LARGE1: variants seen among roughly 807,000 people sequenced by gnomAD.
LARGE1 encodes the protein xylosyl- and glucuronyltransferase LARGE1.
A neutral mutation model predicts 87.6 loss-of-function variants in LARGE1; 43 were observed. The observed-to-expected ratio is 0.49, with a 90% CI of 0.38 to 0.63. The LOEUF is 0.63. LARGE1 is among the 30% of genes least tolerant of loss of function. The probability of loss-of-function intolerance (pLI) is 0.00; values close to 1 mark genes in which losing one functional copy is unlikely to be tolerated. For missense variants in LARGE1, 802 were observed against 1,000.2 expected (o/e 0.80, Z 2.67); for synonymous variants, 434 against 394.6 (o/e 1.10, Z -1.18).
chr22:33,261,775 C>CT (rs971138375), intron 11 of LARGE1, among the ~76,000 whole-genome samples: 4 of 152,148 alleles, frequency 2.6e-5, no homozygotes, highest in Admixed American at 6.5e-5. Flanking sequence ...AAATAATGCT[C>CT]TTTTTGCCTG....
chr22:33,367,320 G>T (rs77828529), intron 9 of LARGE1, among the ~76,000 whole-genome samples: 1,779 of 151,940 alleles, frequency 0.012, 22 homozygotes, highest in African/African-American at 0.035. Context: ...CTCGCCATAG[G>T]TTTGTCTATT....
intron 2 of LARGE1, among the ~76,000 whole-genome samples, chr22:33,720,669 T>G (rs537177161): frequency 9.4e-4 from 143 of 152,338 alleles, no homozygotes; most frequent in Non-Finnish European, 1.5e-3. Context: ...GAATGTGGCC[T>G]GTGGTTACAT....
chr22:33,559,431 C>G (rs968503149), intron 6 of LARGE1, among the ~76,000 whole-genome samples: 5 of 152,230 alleles, frequency 3.3e-5, no homozygotes, highest in Admixed American at 3.3e-4. Flanking sequence ...ATCCACCCCC[C>G]TCGGCCTCCC....
At chr22:33,302,021 G>A (rs1467523135) in intron 12 of LARGE1, among the ~76,000 whole-genome samples, 4 of 152,244 alleles carry the variant, frequency 2.6e-5, no homozygotes, top group Admixed American at 1.3e-4. Context: ...TGGCTGGAGC[G>A]AAGAAGAGTC....
At chr22:33,412,908 G>A (rs565666193) in intron 7 of LARGE1, among the ~76,000 whole-genome samples, 7 of 152,152 alleles carry the variant, frequency 4.6e-5, no homozygotes, top group African/African-American at 1.4e-4. Flanking sequence ...TGATCTACCC[G>A]CCTTGGCCTC....
intron 1 of LARGE1, among the ~76,000 whole-genome samples, chr22:33,793,412 C>T (rs996684905): frequency 2.0e-5 from 3 of 152,276 alleles, no homozygotes; most frequent in East Asian, 1.9e-4. Context: ...GGGAGATAAT[C>T]GTCTGAAACA....
chr22:33,418,949 T>C (rs573835422), intron 7 of LARGE1, among the ~76,000 whole-genome samples: 7 of 152,128 alleles, frequency 4.6e-5, no homozygotes, highest in Non-Finnish European at 8.8e-5. Context: ...GCGAGGGCAC[T>C]TGGGGTCTGA....
intron 10 of LARGE1, among the ~76,000 whole-genome samples, chr22:33,330,673 C>A (rs967999418): frequency 6.6e-6 from 1 of 152,206 alleles, no homozygotes; most frequent in African/African-American, 2.4e-5. Context: ...CTATGAGAGA[C>A]AAGTGGCTGT....
chr22:33,391,765 C>CTTTT (rs1034572374), intron 7 of LARGE1, among the ~76,000 whole-genome samples: 12 of 63,850 alleles, frequency 1.9e-4, no homozygotes, highest in Admixed American at 3.4e-4. Context: ...TTCCTTTTTC[C>CTTTT]TTTTTTTTTT....
intron 2 of LARGE1, among the ~76,000 whole-genome samples, chr22:33,712,043 G>A (rs1054987290): frequency 2.0e-5 from 3 of 152,162 alleles, no homozygotes; most frequent in Admixed American, 1.3e-4. Flanking sequence ...TGCATATTGA[G>A]TGGTGTGCCA....
intron 4 of LARGE1, among the ~76,000 whole-genome samples, chr22:33,618,509 C>T (rs2079646577): frequency 6.6e-6 from 1 of 152,306 alleles, no homozygotes; most frequent in East Asian, 1.9e-4. Context: ...CTATAAAAAG[C>T]AGTTCCTTTT....
chr22:33,253,573 G>A (rs898424336), intron 11 of LARGE1, among the ~76,000 whole-genome samples: 15 of 152,202 alleles, frequency 9.9e-5, no homozygotes, highest in Non-Finnish European at 1.8e-4. Flanking sequence ...TTAGCTGGGT[G>A]TGGTGGCAGG....
chr22:33,739,755 G>A (rs1377086897), intron 2 of LARGE1, among the ~76,000 whole-genome samples: 1 of 152,208 alleles, frequency 6.6e-6, no homozygotes, highest in Non-Finnish European at 1.5e-5. Flanking sequence ...TCTTCCTTGG[G>A]CCTGATGAAG....
downstream of LARGE1, among the ~76,000 whole-genome samples, chr22:33,268,989 C>T (rs572084438): frequency 2.0e-5 from 3 of 152,138 alleles, no homozygotes; most frequent in South Asian, 4.2e-4. Flanking sequence ...TATGCATAGC[C>T]TTGTGTATGC....
intron 6 of LARGE1, among the ~76,000 whole-genome samples, chr22:33,537,464 T>A (rs763586682): frequency 2.6e-5 from 4 of 152,148 alleles, no homozygotes; most frequent in Admixed American, 6.5e-5. Flanking sequence ...CCAAGAACAC[T>A]CATTCTATTT....
intron 5 of LARGE1, among the ~76,000 whole-genome samples, chr22:33,589,066 T>C (rs2078760691): frequency 6.6e-6 from 1 of 152,206 alleles, no homozygotes; most frequent in Non-Finnish European, 1.5e-5. Flanking sequence ...AACACAACAT[T>C]ACACCTCCAG....
At chr22:33,836,271 C>T (rs2063106548) in intron 1 of LARGE1, among the ~76,000 whole-genome samples, 1 of 152,174 alleles carries the variant, frequency 6.6e-6, no homozygotes, top group South Asian at 2.1e-4. Flanking sequence ...AGCATGGTAG[C>T]TCCTATGTAA....
At chr22:33,192,942 G>A (rs1324855957) in intron 11 of LARGE1, among the ~76,000 whole-genome samples, 1 of 152,190 alleles carries the variant, frequency 6.6e-6, no homozygotes, top group Admixed American at 6.5e-5. Flanking sequence ...CTCAATGTGT[G>A]TTCTTGGTAT....
the LARGE1 span, among the ~76,000 whole-genome samples, chr22:33,089,980 A>T: frequency 5.3e-5 from 8 of 151,756 alleles, no homozygotes; most frequent in Admixed American, 5.3e-4. Flanking sequence ...TTAAAAAAAA[A>T]AATTCCTGCC....
Sources: gnomAD v4.1 joint callset for allele counts (sites outside exome capture counted in the v4.1 genomes callset) on GRCh38, gnomAD v4.1.1 for gene constraint, MANE v1.5 for transcripts, NCBI Gene and HGNC (gene_info 2026-07-23, HGNC 2026-07-21) for gene names.